ELL: variants seen among roughly 807,000 people sequenced by gnomAD.
ELL encodes the protein elongation factor for RNA polymerase II.
Under a neutral mutation model 64.0 loss-of-function variants are expected in ELL, and 18 were observed. The observed-to-expected ratio is 0.28, with a 90% CI of 0.19 to 0.42. ELL has a LOEUF of 0.42. Ranked by LOEUF, ELL falls within the 10% of genes least tolerant of loss-of-function variation. The pLI is 1.00. For missense variants in ELL, 797 were observed against 870.4 expected, an observed-to-expected ratio of 0.92 and a Z score of 1.06; for synonymous variants, 399 against 376.2, an observed-to-expected ratio of 1.06 and a Z score of -0.70.
At chr19:18,486,006 A>T (rs1040303166) in intron 1 of ELL, among the ~76,000 whole-genome samples, 4 of 151,630 alleles carry the variant, frequency 2.6e-5, no homozygotes, top group Admixed American at 2.6e-4. Context: ...AAAAGAAAGC[A>T]AGCTACGGGG....
chr19:18,451,916 G>A (rs2144896252), intron 6 of ELL, among the ~76,000 whole-genome samples: 1 of 152,332 alleles, frequency 6.6e-6, no homozygotes, highest in South Asian at 2.1e-4. Flanking sequence ...AGAGACCAGG[G>A]ACACACGCTA....
intron 1 of ELL, among the ~76,000 whole-genome samples, chr19:18,521,390 G>A (rs558807521): frequency 6.6e-6 from 1 of 152,050 alleles, no homozygotes; most frequent in Non-Finnish European, 1.5e-5. Flanking sequence ...CTTCCACCCA[G>A]ACAGAACAGA....
At position 18,501,862 on chromosome 19, in the gene ELL, A is replaced by G. The variant is rs540476806; in HGVS notation, c.135+20059T>C. On this transcript the variant is annotated intron_variant, in intron 1 of 11. Transcript: ENST00000262809. The surrounding 1 kb of genome is among the most constrained non-coding windows in gnomAD (Gnocchi z 4.5). ...GTGGGCAGGAAGGAGGGGAGGCAGCATGGGCACCAGTGACCAGGACAGCCC... is the reference window on the plus strand; with the variant it reads ...GTGGGCAGGAAGGAGGGGAGGCAGCGTGGGCACCAGTGACCAGGACAGCCC... 1.3e-5 allele frequency among the ~76,000 whole-genome samples: 2 copies of G among 152,142 alleles called. No individual in the cohort carries two copies. Among genetic ancestry groups the G allele is most frequent in the African/African-American group, 4.8e-5 (2 of 41,510 alleles).
At chr19:18,473,169 AGG>A (rs1350724337) in intron 1 of ELL, 1 of 658,008 alleles carries the variant, frequency 1.5e-6, no homozygotes, top group East Asian at 2.9e-5. Context: ...CCCAGGATGC[AGG>A]GGCGGGGAGT....
intron 1 of ELL, among the ~76,000 whole-genome samples, chr19:18,507,083 C>T (rs1975898420): frequency 6.6e-6 from 1 of 152,242 alleles, no homozygotes; most frequent in African/African-American, 2.4e-5. Flanking sequence ...CCAGCACTGG[C>T]TGTCCCCTCC....
chr19:18,451,691 G>T, intron 6 of ELL, 43 bp from the exon 7 acceptor site: 2 of 1,446,458 alleles, frequency 1.4e-6, no homozygotes, highest in South Asian at 1.4e-5. Flanking sequence ...TGCTGAGGGG[G>T]CCTAGGGGCC....
chr19:18,462,365 T>TGTGTGTGTGTGTGTG (rs1295088969), intron 4 of ELL, among the ~76,000 whole-genome samples: 5 of 38,810 alleles, frequency 1.3e-4, no homozygotes, highest in African/African-American at 5.9e-4. Context: ...GTGTGTGTGT[T>TGTGTGTGTGTGTGTG]TGGGCGGGGG....
intron 1 of ELL, among the ~76,000 whole-genome samples, chr19:18,514,216 A>G (rs368261294): frequency 6.6e-6 from 1 of 151,926 alleles, no homozygotes; most frequent in East Asian, 1.9e-4. Context: ...TTTTTTCATT[A>G]AAAAGCAAAG....
Position 18,458,191 on chromosome 19 carries a change from G to C in ELL, c.869+14C>G, listed in dbSNP as rs759782160. ...GCGGGTGGGGACATGCTGGGGGATG[G>C]GAGGCGGCATTACCGGACGAGCACC... On this transcript the variant is annotated intron_variant, in intron 6 of 11. Coordinates refer to ENST00000262809, the MANE Select transcript of ELL (RefSeq NM_006532.4). 6.2e-7 allele frequency: 1 copy of C among 1,606,864 alleles called. No individual in the cohort carries two copies. Among genetic ancestry groups the C allele is most frequent in the East Asian group, 2.2e-5 (1 of 44,888 alleles).
chr19:18,506,095 C>A (rs1011604414), intron 1 of ELL, among the ~76,000 whole-genome samples: 7 of 152,220 alleles, frequency 4.6e-5, no homozygotes, highest in Admixed American at 3.9e-4. Flanking sequence ...ACTGACCCAG[C>A]CTCCCTCCAA....
intron 1 of ELL, among the ~76,000 whole-genome samples, chr19:18,502,595 T>C (rs1439351526): frequency 6.6e-6 from 1 of 152,202 alleles, no homozygotes; most frequent in African/African-American, 2.4e-5. Flanking sequence ...CACATGGGAC[T>C]TCCCAAAATC....
intron 1 of ELL, among the ~76,000 whole-genome samples, chr19:18,485,987 A>G (rs1378589697): frequency 1.4e-5 from 2 of 147,404 alleles, no homozygotes; most frequent in Non-Finnish European, 3.0e-5. Context: ...CTCTGTCTCA[A>G]AAAAAAAAAA....
At chr19:18,448,840 G>C (rs1238062001) in intron 8 of ELL, 2 of 152,164 alleles carry the variant, frequency 1.3e-5, no homozygotes, top group African/African-American at 4.8e-5. Flanking sequence ...GCTGGTCCCT[G>C]CTTCGGGGCC....
intron 1 of ELL, among the ~76,000 whole-genome samples, chr19:18,486,039 C>A (rs887161987): frequency 6.6e-6 from 1 of 152,054 alleles, no homozygotes; most frequent in Non-Finnish European, 1.5e-5. Flanking sequence ...AAGGCACTCT[C>A]CTGGATGCAT....
At position 18,446,363 on chromosome 19, in the gene ELL, G is replaced by A; in HGVS notation, c.1650C>T (p.Phe550=). ...GCCGGAGCTGGGCGTCGAGCTGGGT[G>A]AACCGCCGCGTGATGCGCTCAATGC... ...HARIERITRR[F]TQLDAQLRQL... Residue 550 remains phenylalanine (F), a synonymous_variant, in exon 10 of 12, where the codon TTC becomes TTT. Transcript: ENST00000262809. 1.2e-6 allele frequency: 2 copies of A among 1,607,382 alleles called. No individual in the cohort carries two copies. The highest frequency in any genetic ancestry group is 1.7e-6 in the Non-Finnish European group (2 of 1,178,436).
At chr19:18,457,272 G>C (rs1448232029) in intron 6 of ELL, among the ~76,000 whole-genome samples, 1 of 152,218 alleles carries the variant, frequency 6.6e-6, no homozygotes, top group East Asian at 1.9e-4. Flanking sequence ...CACTAGCTCT[G>C]GGCAGTTCTC....
At chr19:18,467,180 G>C (rs1292790518) in intron 2 of ELL, among the ~76,000 whole-genome samples, 1 of 152,122 alleles carries the variant, frequency 6.6e-6, no homozygotes, top group Non-Finnish European at 1.5e-5. Context: ...CGGCCACTTG[G>C]GGCAGGAAGA....
chr19:18,475,638 AC>A (rs1975159503), intron 1 of ELL, among the ~76,000 whole-genome samples: 1 of 152,206 alleles, frequency 6.6e-6, no homozygotes, highest in South Asian at 2.1e-4. Flanking sequence ...AATACAGAGG[AC>A]CATGCCAAGT....
At chr19:18,453,163 A>G (rs956125949) in intron 6 of ELL, among the ~76,000 whole-genome samples, 1 of 152,220 alleles carries the variant, frequency 6.6e-6, no homozygotes, top group Non-Finnish European at 1.5e-5. Flanking sequence ...AACCTCAATT[A>G]CTTGGGAGGC....
Sources: gnomAD v4.1 joint callset for allele counts (sites outside exome capture counted in the v4.1 genomes callset) on GRCh38, gnomAD v4.1.1 for gene constraint, Gnocchi (gnomAD v3.1) non-coding constraint, MANE v1.5 for transcripts, NCBI Gene and HGNC (gene_info 2026-07-23, HGNC 2026-07-21) for gene names.